The following CHRNA7 variants were observed in gnomAD, a reference collection of about 807,000 sequenced individuals.
The protein encoded by CHRNA7 is neuronal acetylcholine receptor subunit alpha-7.
A neutral mutation model predicts 48.0 loss-of-function variants in CHRNA7; 17 were observed. That is an observed-to-expected ratio of 0.35 (90% CI 0.24 to 0.53). The LOEUF (loss-of-function observed/expected upper bound fraction) is 0.53. Ranked by LOEUF, CHRNA7 falls within the 20% of genes least tolerant of loss-of-function variation. The pLI is 0.92. For synonymous variants in CHRNA7, 75 were observed against 242.3 expected, an observed-to-expected ratio of 0.31 and a Z score of 6.41; for missense variants, 155 against 577.7, an observed-to-expected ratio of 0.27 and a Z score of 7.50.
chr15:32,055,418 A>G (rs1430742228), intron 2 of CHRNA7, among the ~76,000 whole-genome samples: 3 of 152,220 alleles, frequency 2.0e-5, no homozygotes, highest in Admixed American at 1.3e-4. Flanking sequence ...TCTGATATCA[A>G]GGTGCCAGTA....
intron 2 of CHRNA7, among the ~76,000 whole-genome samples, chr15:32,066,084 T>C (rs2049961404): frequency 6.6e-6 from 1 of 152,278 alleles, no homozygotes; most frequent in South Asian, 2.1e-4. Flanking sequence ...TGGGGATTCA[T>C]GGATGCCAAG....
chr15:32,091,992 G>A lies in CHRNA7; in HGVS notation c.196-9311G>A, dbSNP rs139635155. ...CTAGGACCAGAAGCAGGGCCCCCATGTATTATCCTGGCATACTTAACTAGT... is the reference window on the plus strand; with the variant it reads ...CTAGGACCAGAAGCAGGGCCCCCATATATTATCCTGGCATACTTAACTAGT... On this transcript the variant is annotated intron_variant, in intron 2 of 9. Coordinates refer to ENST00000306901, the MANE Select transcript of CHRNA7 (RefSeq NM_000746.6). 2.7e-4 allele frequency among the ~76,000 whole-genome samples: 41 copies of A among 152,122 alleles called. No homozygotes were observed. In the East Asian group the frequency reaches 7.5e-3, roughly 28 times the overall value.
At chr15:32,085,855 C>T (rs76943497) in intron 2 of CHRNA7, among the ~76,000 whole-genome samples, 2,970 of 152,252 alleles carry the variant, frequency 0.02, 92 homozygotes, top group African/African-American at 0.068. Flanking sequence ...ATAATTTGAA[C>T]ATGTTACTTC....
Position 32,152,800 on chromosome 15 carries a change from C to G in CHRNA7, c.351-1107C>G, listed in dbSNP as rs531490131. Among the ~76,000 whole-genome samples the G allele has an allele frequency of 2.8e-4, 43 of 152,242 alleles. No individual in the cohort carries two copies. In the South Asian group the frequency reaches 3.3e-3, roughly 12 times the overall value. ...AAGGCCAGAGTTGTTTACTATCTCT[C>G]CAAGGGGCCTCCAGAGTCAGCAAAG... is the stretch of plus-strand genomic sequence containing the variant. On this transcript the variant is annotated intron_variant, in intron 4 of 9. Transcript: ENST00000306901.
At chr15:32,123,090 CAA>C in intron 4 of CHRNA7, among the ~76,000 whole-genome samples, 1 of 151,990 alleles carries the variant, frequency 6.6e-6, no homozygotes, top group African/African-American at 2.4e-5. Flanking sequence ...GAGAAGAAAC[CAA>C]GAAAGAGGCA....
chr15:32,048,436 G>T (rs12903599), intron 2 of CHRNA7, among the ~76,000 whole-genome samples: 2 of 152,292 alleles, frequency 1.3e-5, no homozygotes, highest in East Asian at 3.9e-4. Context: ...ATTTCTTCTA[G>T]ATTTTCTAGT....
chr15:32,105,443 GAGA>G (rs2050649866), intron 3 of CHRNA7, among the ~76,000 whole-genome samples: 1 of 151,018 alleles, frequency 6.6e-6, no homozygotes, highest in African/African-American at 2.4e-5. Flanking sequence ...AGAGGCGGAG[GAGA>G]AGGAGGAAGA....
chr15:32,079,446 C>T (rs183793915), intron 2 of CHRNA7, among the ~76,000 whole-genome samples: 19 of 152,266 alleles, frequency 1.2e-4, no homozygotes, highest in Middle Eastern at 3.4e-3. Flanking sequence ...TAAGAAACTT[C>T]AGCAAAATCT....
intron 2 of CHRNA7, among the ~76,000 whole-genome samples, chr15:32,045,845 A>T (rs1157011699): frequency 1.8e-5 from 2 of 114,068 alleles, no homozygotes; most frequent in African/African-American, 3.5e-5. Flanking sequence ...CAGTCCCCAG[A>T]GTGTGATGTT....
chr15:32,118,375 G>A (rs2050909362), intron 4 of CHRNA7, among the ~76,000 whole-genome samples: 2 of 152,252 alleles, frequency 1.3e-5, no homozygotes, highest in South Asian at 2.1e-4. Flanking sequence ...TTCCAGGTGA[G>A]CAGAGGTAAT....
At chr15:32,038,557 C>T (rs879911820) in intron 2 of CHRNA7, among the ~76,000 whole-genome samples, 12 of 152,188 alleles carry the variant, frequency 7.9e-5, no homozygotes, top group South Asian at 2.1e-4. Flanking sequence ...TTGGTTGAGA[C>T]GGGGTTTCAC....
intron 2 of CHRNA7, among the ~76,000 whole-genome samples, chr15:32,063,332 T>C (rs1055682085): frequency 6.6e-6 from 1 of 152,226 alleles, no homozygotes; most frequent in African/African-American, 2.4e-5. Flanking sequence ...GGGACCACTT[T>C]CAGATACGCT....
At chr15:32,062,686 A>G (rs1195636900) in intron 2 of CHRNA7, among the ~76,000 whole-genome samples, 3 of 152,120 alleles carry the variant, frequency 2.0e-5, no homozygotes, top group African/African-American at 7.2e-5. Flanking sequence ...GTATTCTATG[A>G]CCCAGTTCGA....
At chr15:32,050,797 A>G (rs2049656187) in intron 2 of CHRNA7, among the ~76,000 whole-genome samples, 2 of 151,760 alleles carry the variant, frequency 1.3e-5, no homozygotes, top group African/African-American at 4.8e-5. Context: ...TTGGTCTTTG[A>G]TGATGGTGAT....
intron 2 of CHRNA7, among the ~76,000 whole-genome samples, chr15:32,047,495 T>C (rs1018792464): frequency 2.6e-5 from 4 of 152,182 alleles, no homozygotes; most frequent in Non-Finnish European, 4.4e-5. Context: ...TGTATAAGAA[T>C]GCTTGTGATT....
rs201388566 is a variant in CHRNA7, at chr15:32,122,615, G to GT, written c.350+10724dup. On this transcript the variant is annotated intron_variant, in intron 4 of 9. Transcript: ENST00000306901. Reference sequence around the variant, plus strand: ...AATAGTTTGTTTTTTATTGTGTATGGTTTTTTTTCCCTAAAATGTTTGTGT... The same window carrying GT: ...AATAGTTTGTTTTTTATTGTGTATGGTTTTTTTTTCCCTAAAATGTTTGTGT... 3.5e-3 allele frequency among the ~76,000 whole-genome samples: 533 copies of GT among 151,724 alleles called. 7 individuals carry two copies. The highest frequency in any genetic ancestry group is 0.012 in the African/African-American group (494 of 41,386).
chr15:32,080,844 G>A (rs542235658), intron 2 of CHRNA7, among the ~76,000 whole-genome samples: 1 of 152,230 alleles, frequency 6.6e-6, no homozygotes, highest in African/African-American at 2.4e-5. Context: ...ACATGCATGT[G>A]TATGTTCATT....
chr15:32,111,006 C>T (rs1049531111), intron 3 of CHRNA7, among the ~76,000 whole-genome samples: 1 of 152,130 alleles, frequency 6.6e-6, no homozygotes. Flanking sequence ...TGGGGTGGTG[C>T]TGGTTATGTG....
chr15:32,145,004 T>C (rs1468208695), intron 4 of CHRNA7, among the ~76,000 whole-genome samples: 1 of 152,164 alleles, frequency 6.6e-6, no homozygotes, highest in Non-Finnish European at 1.5e-5. Context: ...GGTGCTCTGG[T>C]TTTTGGAATT....
Sources: allele counts gnomAD v4.1 joint callset (sites outside exome capture counted in the v4.1 genomes callset), GRCh38; gene constraint gnomAD v4.1.1; transcripts MANE v1.5; gene names NCBI Gene and HGNC (gene_info 2026-07-23, HGNC 2026-07-21).